Variants in DGKI observed in about 807,000 individuals in gnomAD.
DGKI encodes diacylglycerol kinase iota.
In DGKI, 55 loss-of-function variants were observed where a neutral mutation model predicts 147.5. That is an observed-to-expected ratio of 0.37 (90% CI 0.30 to 0.47). DGKI has a LOEUF of 0.47. DGKI is among the 20% of genes least tolerant of loss of function. The pLI is 1.00. For synonymous variants in DGKI, 469 were observed against 477.1 expected (o/e 0.98, Z 0.22); for missense variants, 1,007 against 1,323.8 (o/e 0.76, Z 3.71).
At chr7:137,577,990 C>T (rs1203309244) in intron 16 of DGKI, among the ~76,000 whole-genome samples, 1 of 152,194 alleles carries the variant, frequency 6.6e-6, no homozygotes, top group Admixed American at 6.5e-5. Context: ...GTTTGTTTCT[C>T]ACATCCCTTT....
In DGKI at chr7:137,469,021, C is replaced by T. The variant is rs115506807; in HGVS notation, c.2443+529G>A. 1.1e-3 allele frequency among the ~76,000 whole-genome samples: 160 copies of T among 152,102 alleles called. 1 individual carries two copies. The highest frequency in any genetic ancestry group is 3.7e-3 in the African/African-American group (155 of 41,512). ...GAGAGAGATACTTGAGATAAAAAAA[C>T]GGACTCATTAAACAATCATAAGATA... On this transcript the variant is annotated intron_variant, in intron 24 of 32. Transcript: ENST00000614521.
intron 20 of DGKI, chr7:137,546,044 A>G (rs1585217491): frequency 3.2e-6 from 2 of 626,930 alleles, no homozygotes; most frequent in Admixed American, 2.3e-5. Flanking sequence ...GGAGAGAAAG[A>G]GAGACACACA....
Position 137,845,639 on chromosome 7 carries a change from C to T in DGKI, c.401+823G>A, listed in dbSNP as rs576798037. On this transcript the variant is annotated intron_variant, in intron 1 of 32. Transcript: ENST00000614521. ...GGGGTGAGAGAGACCTTAATAAATC[C>T]TAATTCCTCGTTGTTGGATTCTAAT... Among the ~76,000 whole-genome samples, 11 of 152,278 alleles carry T rather than the reference C, an allele frequency of 7.2e-5. No homozygotes were observed. In the South Asian group the frequency reaches 2.1e-3, roughly 29 times the overall value.
chr7:137,627,478 C>T (rs566832452), intron 6 of DGKI, among the ~76,000 whole-genome samples: 1 of 152,302 alleles, frequency 6.6e-6, no homozygotes, highest in South Asian at 2.1e-4. Flanking sequence ...TAATTACAAA[C>T]TTCACGCTAT....
At chr7:137,572,928 A>G (rs1361652028) in intron 17 of DGKI, 90 bp from the exon 18 acceptor site, 2 of 862,302 alleles carry the variant, frequency 2.3e-6, no homozygotes, top group Non-Finnish European at 3.7e-6. Flanking sequence ...AGTACACACC[A>G]TGGTCTCTTT....
At chr7:137,747,568 A>G (rs971638613) in intron 1 of DGKI, among the ~76,000 whole-genome samples, 1 of 152,244 alleles carries the variant, frequency 6.6e-6, no homozygotes, top group African/African-American at 2.4e-5. Flanking sequence ...AAATTCTGTA[A>G]CGGGGTCTTT....
chr7:137,642,073 C>T (rs1223440625), intron 6 of DGKI, among the ~76,000 whole-genome samples: 1 of 152,064 alleles, frequency 6.6e-6, no homozygotes, highest in African/African-American at 2.4e-5. Context: ...ATTCTGCCTC[C>T]AACCATTGAT....
intron 28 of DGKI, among the ~76,000 whole-genome samples, chr7:137,418,049 C>T (rs1370256169): frequency 6.6e-6 from 1 of 152,148 alleles, no homozygotes; most frequent in Admixed American, 6.5e-5. Context: ...CCGTTTGAGG[C>T]AGTAAGAAGG....
At chr7:137,637,935 G>A (rs1821370943) in intron 6 of DGKI, among the ~76,000 whole-genome samples, 2 of 152,056 alleles carry the variant, frequency 1.3e-5, no homozygotes, top group South Asian at 2.1e-4. Flanking sequence ...CTGGGGCAAA[G>A]ACTGAAAAGA....
At chr7:137,681,983 T>C (rs1823253770) in intron 2 of DGKI, among the ~76,000 whole-genome samples, 1 of 152,284 alleles carries the variant, frequency 6.6e-6, no homozygotes, top group Admixed American at 6.5e-5. Flanking sequence ...GCTTCCCTGC[T>C]TGGCTCTATG....
intron 6 of DGKI, among the ~76,000 whole-genome samples, chr7:137,634,386 C>T (rs1315933408): frequency 6.6e-6 from 1 of 152,214 alleles, no homozygotes; most frequent in Non-Finnish European, 1.5e-5. Flanking sequence ...AAAATCAACA[C>T]AGACTCTAGG....
chr7:137,689,788 G>T, intron 2 of DGKI, 106 bp downstream of exon 2: 1 of 745,692 alleles, frequency 1.3e-6, no homozygotes, highest in Non-Finnish European at 2.0e-6. Context: ...AGCAGGCAAT[G>T]TTGAAAATTA....
chr7:137,846,765 G>T lies in DGKI; in HGVS notation c.98C>A (p.Pro33Gln). The T allele has an allele frequency of 9.6e-7, 1 of 1,042,564 alleles. No homozygotes were observed. The allele number at this position is 1,042,564 out of a possible 1,614,324, so 64.6% of individuals were successfully genotyped here. The change falls in exon 1 of 33, where the codon CCG becomes CAG. Residue 33 changes from proline (P) to glutamine (Q), a missense_variant. By Grantham distance (76) the Pro-to-Gln change is moderately conservative. Coordinates refer to ENST00000614521, the MANE Select transcript of DGKI (RefSeq NM_001321708.2). This position sits in a 1 kb window ranked among gnomAD's most constrained non-coding sequence, Gnocchi z 4.0. ...PAAAAAAAAS[P>Q]PGPCSGAACA... is the part of the protein sequence containing the mutation. The stretch of plus-strand genomic sequence containing the variant: ...GGCGGCGCCGCTGCAGGGGCCGGGC[G>T]GGCTGGCGGCGGCGGCGGCGGCGGC...
chr7:137,616,933 T>C (rs2128995849), intron 8 of DGKI, among the ~76,000 whole-genome samples: 1 of 151,970 alleles, frequency 6.6e-6, no homozygotes, highest in African/African-American at 2.4e-5. Context: ...TGGCAACCCC[T>C]AATGCAATAA....
intron 1 of DGKI, among the ~76,000 whole-genome samples, chr7:137,772,654 AG>A (rs1371640981): frequency 6.6e-6 from 1 of 152,180 alleles, no homozygotes; most frequent in Non-Finnish European, 1.5e-5. Flanking sequence ...TCAAAAAAAA[AG>A]AAGAAGAAAA....
Position 137,416,083 on chromosome 7 carries a change from AAGAG to A in DGKI, c.2762-3880_2762-3877del, listed in dbSNP as rs201042151. 7.2e-5 allele frequency among the ~76,000 whole-genome samples: 11 copies of A among 152,280 alleles called. No individual in the cohort carries two copies. The East Asian group carries it at 1.7e-3, about 24-fold the overall frequency. On this transcript the variant is annotated intron_variant, in intron 28 of 32. Coordinates refer to ENST00000614521, the MANE Select transcript of DGKI (RefSeq NM_001321708.2). ...TTCTCAGAATTTAAAAGTTAATAAA[AAGAG>A]AGAGAGAGAAACAGAGAAAGAAAGG... is the stretch of plus-strand genomic sequence containing the variant.
chr7:137,738,218 T>C (rs546165038), intron 1 of DGKI, among the ~76,000 whole-genome samples: 145 of 152,256 alleles, frequency 9.5e-4, no homozygotes, highest in South Asian at 5.2e-3. Flanking sequence ...CGGTGTAATG[T>C]AGATACTAAG....
intron 24 of DGKI, among the ~76,000 whole-genome samples, chr7:137,467,238 C>G (rs977233351): frequency 2.6e-5 from 4 of 152,190 alleles, no homozygotes; most frequent in Non-Finnish European, 4.4e-5. Flanking sequence ...CCTCCCAACA[C>G]CAGACAGAAC....
intron 26 of DGKI, among the ~76,000 whole-genome samples, chr7:137,464,667 C>T (rs1371969720): frequency 6.6e-6 from 1 of 152,202 alleles, no homozygotes; most frequent in Non-Finnish European, 1.5e-5. Flanking sequence ...ACATATTGGA[C>T]ATCAACTGCC....
Sources: gnomAD v4.1 joint callset for allele counts (sites outside exome capture counted in the v4.1 genomes callset) on GRCh38, gnomAD v4.1.1 for gene constraint, Gnocchi (gnomAD v3.1) non-coding constraint, MANE v1.5 for transcripts, NCBI Gene and HGNC (gene_info 2026-07-23, HGNC 2026-07-21) for gene names.